The following UNC13B variants were observed in gnomAD, a reference collection of about 807,000 sequenced individuals.
UNC13B encodes unc-13 homolog B.
A neutral mutation model predicts 211.0 loss-of-function variants in UNC13B; 144 were observed. That is an observed-to-expected ratio of 0.68 (90% CI 0.60 to 0.78). The LOEUF (loss-of-function observed/expected upper bound fraction) is 0.78, where lower values mean the gene tolerates loss of function less well. UNC13B is among the 30% of genes least tolerant of loss of function. UNC13B has a pLI of 0.00. For synonymous variants in UNC13B, 709 were observed against 725.8 expected, an observed-to-expected ratio of 0.98 and a Z score of 0.37; for missense variants, 1,777 against 2,002.0, an observed-to-expected ratio of 0.89 and a Z score of 2.14.
At chr9:35,168,200 G>A (rs1821145786) in intron 1 of UNC13B, among the ~76,000 whole-genome samples, 1 of 152,256 alleles carries the variant, frequency 6.6e-6, no homozygotes, top group Non-Finnish European at 1.5e-5. Flanking sequence ...TTACAGGTGT[G>A]AGCCACTGCA....
At chr9:35,297,303 G>A (rs527572471) in intron 8 of UNC13B, among the ~76,000 whole-genome samples, 3 of 151,558 alleles carry the variant, frequency 2.0e-5, no homozygotes, top group Admixed American at 6.6e-5. Context: ...TGGTCAAGCT[G>A]GTCTCCATCT....
intron 1 of UNC13B, among the ~76,000 whole-genome samples, chr9:35,213,443 A>G (rs986094695): frequency 6.6e-6 from 1 of 152,202 alleles, no homozygotes; most frequent in Non-Finnish European, 1.5e-5. Flanking sequence ...TACAGCCTCC[A>G]GAACTGTGAG....
intron 7 of UNC13B, among the ~76,000 whole-genome samples, chr9:35,276,629 G>C (rs1178466903): frequency 6.6e-6 from 1 of 152,054 alleles, no homozygotes; most frequent in African/African-American, 2.4e-5. Context: ...GTAAAAAATA[G>C]AAATACGTAA....
intron 7 of UNC13B, among the ~76,000 whole-genome samples, chr9:35,284,695 A>G (rs965969809): frequency 1.3e-5 from 2 of 152,224 alleles, no homozygotes; most frequent in Non-Finnish European, 2.9e-5. Flanking sequence ...GAAGTTCTAC[A>G]GTACTTACCG....
At chr9:35,259,110 A>G in intron 7 of UNC13B, 60 bp downstream of exon 7, 1 of 1,563,274 alleles carries the variant, frequency 6.4e-7, no homozygotes, top group Non-Finnish European at 8.8e-7. Flanking sequence ...GCTTCTCTGA[A>G]CATGGGTTAT....
At chr9:35,231,086 A>G in intron 2 of UNC13B, 34 bp from the exon 3 acceptor site, 1 of 1,382,872 alleles carries the variant, frequency 7.2e-7, no homozygotes, top group Non-Finnish European at 1.0e-6. Context: ...TCTGAGCACT[A>G]AGTATTATGT....
chr9:35,286,154 G>A (rs1478554499), intron 7 of UNC13B, among the ~76,000 whole-genome samples: 1 of 151,686 alleles, frequency 6.6e-6, no homozygotes, highest in East Asian at 1.9e-4. Flanking sequence ...TTGTTCTAAT[G>A]AGGGACTCTT....
At chr9:35,245,397 G>A (rs1826031877) in intron 6 of UNC13B, among the ~76,000 whole-genome samples, 1 of 150,198 alleles carries the variant, frequency 6.7e-6, no homozygotes, top group Admixed American at 6.7e-5. Flanking sequence ...TGTGCACAAT[G>A]TGCAGGTTTG....
chr9:35,391,958 T>C (rs1835563241), intron 26 of UNC13B, among the ~76,000 whole-genome samples: 1 of 152,236 alleles, frequency 6.6e-6, no homozygotes, highest in South Asian at 2.1e-4. Context: ...GTTCTGCTAA[T>C]GTTTAAAACA....
chr9:35,297,418 AGTT>A (rs1384811419), intron 8 of UNC13B, among the ~76,000 whole-genome samples: 1 of 149,006 alleles, frequency 6.7e-6, no homozygotes, highest in Non-Finnish European at 1.5e-5. Context: ...AGTGCAGGCC[AGTT>A]GTTTTGAGAA....
chr9:35,259,154 T>A, intron 7 of UNC13B, 104 bp downstream of exon 7: 1 of 1,174,138 alleles, frequency 8.5e-7, no homozygotes, highest in Non-Finnish European at 1.2e-6. Flanking sequence ...GTCATGTGTG[T>A]AAGCAGAAGA....
intron 1 of UNC13B, among the ~76,000 whole-genome samples, chr9:35,168,231 T>C (rs541877569): frequency 6.6e-6 from 1 of 152,334 alleles, no homozygotes; most frequent in South Asian, 2.1e-4. Flanking sequence ...TTTTTTATTA[T>C]TAATTTTTTT....
chr9:35,228,194 A>G, intron 2 of UNC13B, 150 bp downstream of exon 2: 1 of 782,520 alleles, frequency 1.3e-6, no homozygotes, highest in Non-Finnish European at 1.9e-6. Context: ...CTAGTGAAAA[A>G]TTAGTTTTCT....
chr9:35,164,646 C>A (rs1374286373), intron 1 of UNC13B, among the ~76,000 whole-genome samples: 1 of 152,212 alleles, frequency 6.6e-6, no homozygotes, highest in African/African-American at 2.4e-5. Context: ...TCTTGCCTAT[C>A]CTTATGCAGA....
intron 1 of UNC13B, among the ~76,000 whole-genome samples, chr9:35,204,469 C>G: frequency 6.6e-6 from 1 of 152,204 alleles, no homozygotes; most frequent in Non-Finnish European, 1.5e-5. Context: ...GCCACAGGCA[C>G]TCAACGCCAG....
chr9:35,232,384 G>C (rs1409180806), intron 3 of UNC13B, among the ~76,000 whole-genome samples: 1 of 151,372 alleles, frequency 6.6e-6, no homozygotes, highest in Non-Finnish European at 1.5e-5. Flanking sequence ...GTTTCACTAT[G>C]TTGCCCAGGC....
Position 35,310,499 on chromosome 9 carries a change from G to C in UNC13B, c.9041G>C (p.Cys3014Ser), listed in dbSNP as rs779549254. The C allele has an allele frequency of 2.5e-6, 4 of 1,614,030 alleles. No individual in the cohort carries two copies. The highest frequency in any genetic ancestry group is 1.7e-5 in the Admixed American group (1 of 60,008). ...AGCAGCAGTAGGTATGGCTCCTCCTGTAATGTGAGTCAAGGAAGCTCTCAG... is the reference window on the plus strand; with the variant it reads ...AGCAGCAGTAGGTATGGCTCCTCCTCTAATGTGAGTCAAGGAAGCTCTCAG... ...PTSSSRYGSS[C>S]NVSQGSSQLS... The change falls in exon 10 of 40, where the codon TGT becomes TCT. Residue 3014 changes from cysteine to serine, a missense_variant. By Grantham distance (112) the Cys-to-Ser change is moderately radical (BLOSUM62 -1). Coordinates refer to ENST00000635942, the MANE Select transcript of UNC13B (RefSeq NM_001371189.2).
chr9:35,247,194 C>G lies in UNC13B; in HGVS notation c.468+3830C>G, dbSNP rs1826154752. Among the ~76,000 whole-genome samples the G allele has an allele frequency of 2.0e-5, 3 of 152,254 alleles. No individual in the cohort carries two copies. In the South Asian group the frequency reaches 6.2e-4, roughly 32 times the overall value. On this transcript the variant is annotated intron_variant, in intron 6 of 39. Coordinates refer to ENST00000635942, the MANE Select transcript of UNC13B (RefSeq NM_001371189.2). ...TACAGGAATGCTTGTGATTTTTGCACATTGATTTTGTATCCTGAGACTTTG... is the reference window on the plus strand; with the variant it reads ...TACAGGAATGCTTGTGATTTTTGCAGATTGATTTTGTATCCTGAGACTTTG...
intron 22 of UNC13B, chr9:35,385,244 C>T (rs1835114300): frequency 1.0e-6 from 1 of 985,448 alleles, no homozygotes; most frequent in Non-Finnish European, 1.2e-6. Context: ...CTGCCATCTG[C>T]TGGCTGCAGA....
Sources: gnomAD v4.1 joint callset for allele counts (sites outside exome capture counted in the v4.1 genomes callset) on GRCh38, gnomAD v4.1.1 for gene constraint, MANE v1.5 for transcripts, NCBI Gene and HGNC (gene_info 2026-07-23, HGNC 2026-07-21) for gene names.